RAB28: variants seen among roughly 807,000 people sequenced by gnomAD.
RAB28 encodes the protein ras-related protein Rab-28.
Under a neutral mutation model 31.7 loss-of-function variants are expected in RAB28, and 24 were observed. The ratio of observed to expected loss-of-function variants is 0.76; its 90% confidence interval spans 0.55 to 1.06. The LOEUF is 1.06. Among genes scored for constraint, RAB28 ranks in the 50% least tolerant of loss-of-function variants. RAB28 has a pLI of 0.00. For synonymous variants in RAB28, 100 were observed against 90.4 expected (o/e 1.11, Z -0.60); for missense variants, 254 against 258.5 (o/e 0.98, Z 0.12).
chr4:13,402,791 A>AT (rs998809972), intron 4 of RAB28, among the ~76,000 whole-genome samples: 2 of 151,612 alleles, frequency 1.3e-5, no homozygotes, highest in Non-Finnish European at 2.9e-5. Flanking sequence ...TATTATTATT[A>AT]TTTTTTTATT....
At chr4:13,378,718 T>C (rs966099355) in intron 5 of RAB28, among the ~76,000 whole-genome samples, 1 of 152,124 alleles carries the variant, frequency 6.6e-6, no homozygotes, top group African/African-American at 2.4e-5. Context: ...CTAGCTAGAA[T>C]AGATCCCATA....
chr4:13,414,159 T>C (rs866202688), intron 4 of RAB28, among the ~76,000 whole-genome samples: 1 of 152,218 alleles, frequency 6.6e-6, no homozygotes, highest in African/African-American at 2.4e-5. Flanking sequence ...ACAGTATTTA[T>C]AGTTCATCTC....
At chr4:13,404,181 C>G (rs992702281) in intron 4 of RAB28, among the ~76,000 whole-genome samples, 1 of 152,132 alleles carries the variant, frequency 6.6e-6, no homozygotes, top group East Asian at 1.9e-4. Context: ...GAGTTTGAGA[C>G]CAGCCTGACC....
At chr4:13,438,316 C>G (rs974170256) in intron 4 of RAB28, among the ~76,000 whole-genome samples, 1 of 152,076 alleles carries the variant, frequency 6.6e-6, no homozygotes, top group East Asian at 1.9e-4. Flanking sequence ...CATTTTAAAG[C>G]GTACAGTTTT....
intron 4 of RAB28, among the ~76,000 whole-genome samples, chr4:13,455,466 TG>T (rs1373389715): frequency 6.6e-6 from 1 of 152,146 alleles, no homozygotes; most frequent in African/African-American, 2.4e-5. Flanking sequence ...GCTGAGGCTG[TG>T]GTGTTCAGCC....
intron 4 of RAB28, among the ~76,000 whole-genome samples, chr4:13,416,977 T>C (rs889583882): frequency 1.3e-5 from 2 of 152,166 alleles, no homozygotes; most frequent in African/African-American, 4.8e-5. Flanking sequence ...GATTTCCCTT[T>C]CCTAGCCAAG....
At chr4:13,465,597 C>A in intron 3 of RAB28, among the ~76,000 whole-genome samples, 1 of 151,046 alleles carries the variant, frequency 6.6e-6, no homozygotes. Context: ...CTCAGAAAAA[C>A]AAAAGTTGAG....
chr4:13,443,765 T>A (rs1403720578), intron 4 of RAB28, among the ~76,000 whole-genome samples: 23 of 152,204 alleles, frequency 1.5e-4, no homozygotes. Flanking sequence ...GTAGTTACCA[T>A]GCTGTACAAT....
chr4:13,427,930 G>A (rs1321807080), intron 4 of RAB28, among the ~76,000 whole-genome samples: 2 of 152,142 alleles, frequency 1.3e-5, no homozygotes, highest in Admixed American at 6.6e-5. Context: ...CAAGACTCAC[G>A]TCTCCAAAAA....
intron 4 of RAB28, among the ~76,000 whole-genome samples, chr4:13,458,409 G>C (rs114343639): frequency 0.01 from 1,532 of 150,786 alleles, 26 homozygotes; most frequent in African/African-American, 0.035. Context: ...AACAATTACA[G>C]AGAAAAAAAA....
chr4:13,384,592 G>A (rs1354478970), intron 4 of RAB28, among the ~76,000 whole-genome samples: 1 of 152,152 alleles, frequency 6.6e-6, no homozygotes, highest in African/African-American at 2.4e-5. Flanking sequence ...TGCAGTCCAG[G>A]AGCTGGGAGC....
At chr4:13,409,408 A>T (rs1483211061) in intron 4 of RAB28, among the ~76,000 whole-genome samples, 1 of 152,212 alleles carries the variant, frequency 6.6e-6, no homozygotes, top group Non-Finnish European at 1.5e-5. Context: ...AGTTGTTAAC[A>T]AGAACTAGCA....
intron 4 of RAB28, among the ~76,000 whole-genome samples, chr4:13,383,523 T>C (rs900799311): frequency 4.6e-5 from 7 of 152,144 alleles, no homozygotes; most frequent in South Asian, 2.1e-4. Context: ...GCATCTATTA[T>C]ATGCCAGGTA....
intron 4 of RAB28, among the ~76,000 whole-genome samples, chr4:13,432,204 T>A (rs1713845150): frequency 6.6e-6 from 1 of 152,046 alleles, no homozygotes; most frequent in Non-Finnish European, 1.5e-5. Flanking sequence ...AGAGCTTGAA[T>A]ACCCGTCTTT....
At chr4:13,405,244 A>AT (rs1395862408) in intron 4 of RAB28, among the ~76,000 whole-genome samples, 4 of 152,140 alleles carry the variant, frequency 2.6e-5, no homozygotes, top group South Asian at 4.1e-4. Flanking sequence ...TAAATGATAC[A>AT]TTTTAACTTT....
Position 13,368,513 on chromosome 4 carries a change from G to T in RAB28, c.*45C>A. ...TCCTAGAAGTCCTCGGGCCCACCCA[G>T]AGGTGAAGGGCAGCCAGAACTATCA... On this transcript the variant is annotated 3_prime_UTR_variant, in exon 7 of 7. Transcript: ENST00000330852. The T allele has an allele frequency of 6.3e-7, 1 of 1,580,958 alleles. No individual in the cohort carries two copies. The highest frequency in any genetic ancestry group is 8.6e-7 in the Non-Finnish European group (1 of 1,166,704).
chr4:13,377,240 CAT>C (rs1334291223), intron 5 of RAB28, among the ~76,000 whole-genome samples: 1 of 152,168 alleles, frequency 6.6e-6, no homozygotes, highest in Non-Finnish European at 1.5e-5. Context: ...CCTTTCCACA[CAT>C]AGTTAGCTTA....
intron 3 of RAB28, among the ~76,000 whole-genome samples, chr4:13,470,378 CAGA>C (rs1354397761): frequency 1.1e-4 from 17 of 152,008 alleles, no homozygotes; most frequent in African/African-American, 4.1e-4. Context: ...TAAAAGAGAG[CAGA>C]AGGTCTTGGA....
intron 4 of RAB28, among the ~76,000 whole-genome samples, chr4:13,444,239 G>A (rs913190121): frequency 1.3e-5 from 2 of 152,020 alleles, no homozygotes; most frequent in African/African-American, 4.8e-5. Context: ...GTGTTAGCCA[G>A]GATGGTCTCG....
Sources: allele counts gnomAD v4.1 joint callset (sites outside exome capture counted in the v4.1 genomes callset), GRCh38; gene constraint gnomAD v4.1.1; transcripts MANE v1.5; gene names NCBI Gene and HGNC (gene_info 2026-07-23, HGNC 2026-07-21).